GPAT4: variants seen among roughly 807,000 people sequenced by gnomAD.
The protein encoded by GPAT4 is 1-AGP acyltransferase 6.
In GPAT4, 17 loss-of-function variants were observed where a neutral mutation model predicts 58.0. The ratio of observed to expected loss-of-function variants is 0.29; its 90% CI spans 0.20 to 0.44. The LOEUF (loss-of-function observed/expected upper bound fraction) is 0.44, where lower values mean the gene tolerates loss of function less well. GPAT4 is among the 20% of genes least tolerant of loss of function. GPAT4 has a pLI of 1.00. For synonymous variants in GPAT4, 204 were observed against 210.1 expected (o/e 0.97, Z 0.25); for missense variants, 377 against 574.5 (o/e 0.66, Z 3.51).
chr8:41,602,066 T>C (rs1250006628), intron 2 of GPAT4, among the ~76,000 whole-genome samples: 1 of 152,226 alleles, frequency 6.6e-6, no homozygotes, highest in Admixed American at 6.5e-5. Context: ...GCAATTCTCC[T>C]GCCTCAGCCA....
intron 10 of GPAT4, among the ~76,000 whole-genome samples, 182 bp downstream of exon 10, chr8:41,615,230 C>A (rs1379919384): frequency 6.6e-6 from 1 of 152,164 alleles, no homozygotes; most frequent in Non-Finnish European, 1.5e-5. Flanking sequence ...GTGCTCAGCA[C>A]CCCTTAGAAG....
intron 1 of GPAT4, among the ~76,000 whole-genome samples, chr8:41,594,842 G>A (rs570778584): frequency 8.5e-5 from 13 of 152,068 alleles, no homozygotes; most frequent in African/African-American, 3.1e-4. Flanking sequence ...ACCGTGCCCG[G>A]CCCAAACTTT....
chr8:41,623,547 T>G lies in GPAT4; in HGVS notation c.*2546T>G, dbSNP rs1803821614. 1 of 152,248 alleles carries G rather than the reference T, an allele frequency of 6.6e-6. No homozygotes were observed. Among genetic ancestry groups the G allele is most frequent in the African/African-American group, 2.4e-5 (1 of 41,460 alleles). The allele number at this position is 152,248 out of a possible 1,614,324, so 9.4% of individuals were successfully genotyped here. ...TAACTAGGGACTTGGCTAGATGACC[T>G]CAGAGACCTCGTCCACCTCTGAATT... On this transcript the variant is annotated 3_prime_UTR_variant, in exon 13 of 13. Transcript: ENST00000396987.
At chr8:41,604,068 A>G (rs966476117) in intron 2 of GPAT4, among the ~76,000 whole-genome samples, 4 of 141,136 alleles carry the variant, frequency 2.8e-5, no homozygotes, top group African/African-American at 7.9e-5. Flanking sequence ...TCTTCCTTTC[A>G]GTCTTTGGCA....
In GPAT4 at chr8:41,612,252, C is replaced by G. The variant is rs1000293445; in HGVS notation, c.774C>G (p.Ala258=). 6.2e-7 allele frequency: 1 copy of G among 1,614,252 alleles called. No homozygotes were observed. Among genetic ancestry groups the G allele is most frequent in the South Asian group, 1.1e-5 (1 of 91,088 alleles). ...CACCGATCGATGTGATCATCTTGGC[C>G]AGCGATGGCTATTATGCCATGGTAA... ...HTSPIDVIIL[A]SDGYYAMVGQ... is the part of the protein sequence containing the mutation. The change falls in exon 7 of 13, where the codon GCC becomes GCG. Residue 258 remains alanine (A), a synonymous_variant. Coordinates refer to ENST00000396987, the MANE Select transcript of GPAT4 (RefSeq NM_178819.4).
chr8:41,579,161 A>G (rs897605986), intron 1 of GPAT4, among the ~76,000 whole-genome samples: 2 of 152,236 alleles, frequency 1.3e-5, no homozygotes, highest in African/African-American at 4.8e-5. Flanking sequence ...AATAATGCCA[A>G]TCAAATATAC....
Position 41,606,889 on chromosome 8 carries a change from G to C in GPAT4, c.166-2527G>C, listed in dbSNP as rs149527743. On this transcript the variant is annotated intron_variant, in intron 2 of 12. Transcript: ENST00000396987. ...CTCAGTTCTTTCTAGATTGGGACAA[G>C]GAGGGAGTTGCTTCAGAGAAAGTCT... 3.2e-3 allele frequency among the ~76,000 whole-genome samples: 491 copies of C among 152,302 alleles called. 4 individuals carry two copies. The highest frequency in any genetic ancestry group is 9.4e-3 in the African/African-American group (390 of 41,572).
Position 41,615,088 on chromosome 8 carries a change from CT to C in GPAT4, c.1053+41del, listed in dbSNP as rs112841940. The C allele has an allele frequency of 1.6e-3, 2,512 of 1,551,860 alleles. 42 individuals are homozygous for C. The African/African-American group carries it at 0.03, about 18-fold the overall frequency. On this transcript the variant is annotated intron_variant, in intron 10 of 12. Coordinates refer to ENST00000396987, the MANE Select transcript of GPAT4 (RefSeq NM_178819.4). ...ATGGTACACACTGTCATTACTGGAG[CT>C]GCTGTGAGTGGGGTGCAGCAGGAGG...
In GPAT4 at chr8:41,622,441, G is replaced by T. The variant is rs1406159527; in HGVS notation, c.*1440G>T. Reference sequence around the variant, plus strand: ...GCAGAGCCAAGGCCAAGCAGCCCCTGTGGGTTCTGGGGTTTCACCAGTTTC... The same window carrying T: ...GCAGAGCCAAGGCCAAGCAGCCCCTTTGGGTTCTGGGGTTTCACCAGTTTC... On this transcript the variant is annotated 3_prime_UTR_variant, in exon 13 of 13. Coordinates refer to ENST00000396987, the MANE Select transcript of GPAT4 (RefSeq NM_178819.4). 2 of 152,370 alleles carry T rather than the reference G, an allele frequency of 1.3e-5. No individual in the cohort carries two copies. Among genetic ancestry groups the T allele is most frequent in the Non-Finnish European group, 1.5e-5 (1 of 68,144 alleles). The allele number at this position is 152,370 out of a possible 1,614,324, so 9.4% of individuals were successfully genotyped here.
In GPAT4 at chr8:41,590,433, G is replaced by A. The variant is rs369501218; in HGVS notation, c.-848-7859G>A. On this transcript the variant is annotated intron_variant, in intron 1 of 12. Coordinates refer to ENST00000396987, the MANE Select transcript of GPAT4 (RefSeq NM_178819.4). ...TAGTTTGGGAGACAGGAAGAAGTAG[G>A]GGTTACAGAGCAGGGGCCTGGAGAC... Among the ~76,000 whole-genome samples the A allele has an allele frequency of 1.6e-4, 24 of 152,292 alleles. No individual in the cohort carries two copies. In the East Asian group the frequency reaches 2.3e-3, roughly 15 times the overall value.
chr8:41,619,732 A>G (rs1007664343), intron 12 of GPAT4, among the ~76,000 whole-genome samples: 2 of 152,218 alleles, frequency 1.3e-5, no homozygotes, highest in African/African-American at 4.8e-5. Flanking sequence ...TGGGGAGAGC[A>G]TTTGACTTAG....
At chr8:41,586,794 G>T (rs1181669009) in intron 1 of GPAT4, among the ~76,000 whole-genome samples, 1 of 152,184 alleles carries the variant, frequency 6.6e-6, no homozygotes, top group African/African-American at 2.4e-5. Flanking sequence ...CTCAGAGATG[G>T]TTGTCTTCTC....
At chr8:41,583,565 T>C (rs749193032) in intron 1 of GPAT4, among the ~76,000 whole-genome samples, 9 of 152,232 alleles carry the variant, frequency 5.9e-5, no homozygotes, top group Non-Finnish European at 1.3e-4. Context: ...ATAAAAATTA[T>C]TAATGGGATA....
rs575075512 is a variant in GPAT4 at position 41,597,014 on chromosome 8, A to T, written c.-848-1278A>T. Among the ~76,000 whole-genome samples the T allele has an allele frequency of 2.0e-3, 311 of 152,272 alleles. 1 individual carries two copies. Among genetic ancestry groups the T allele is most frequent in the Non-Finnish European group, 2.5e-3 (172 of 68,032 alleles). On this transcript the variant is annotated intron_variant, in intron 1 of 12. Transcript: ENST00000396987. ...GGTAATCAGAATGGAACAGAACAGG[A>T]CAGGGGTTTTCACGATGCTTTTCCA... is the stretch of plus-strand genomic sequence containing the variant.
At chr8:41,617,035 A>G (rs764167604) in intron 10 of GPAT4, among the ~76,000 whole-genome samples, 2 of 152,182 alleles carry the variant, frequency 1.3e-5, no homozygotes, top group Non-Finnish European at 2.9e-5. Context: ...CTCTGGTGAC[A>G]TCAGAATTTC....
At position 41,622,955 on chromosome 8, in the gene GPAT4, G is replaced by A. The variant is rs1803796650; in HGVS notation, c.*1954G>A. ...ATCAGTAATTGGTCTTAAAAGATCA[G>A]GTTCTCTTTTAAAAAGTTCATCTGA... On this transcript the variant is annotated 3_prime_UTR_variant, in exon 13 of 13. Coordinates refer to ENST00000396987, the MANE Select transcript of GPAT4 (RefSeq NM_178819.4). 1 of 152,246 alleles carries A rather than the reference G, an allele frequency of 6.6e-6. No homozygotes were observed. The highest frequency in any genetic ancestry group is 1.5e-5 in the Non-Finnish European group (1 of 68,042). 9.4% of individuals were successfully genotyped at this position (152,246 alleles called of 1,614,324 possible).
intron 1 of GPAT4, among the ~76,000 whole-genome samples, chr8:41,582,342 A>G (rs1016830873): frequency 6.6e-6 from 1 of 151,972 alleles, no homozygotes; most frequent in Non-Finnish European, 1.5e-5. Context: ...TAGACTAGAC[A>G]GTAAGAGTTG....
At chr8:41,594,712 A>AT (rs1203036853) in intron 1 of GPAT4, among the ~76,000 whole-genome samples, 2 of 151,762 alleles carry the variant, frequency 1.3e-5, no homozygotes, top group Admixed American at 6.6e-5. Flanking sequence ...CACCTGGCTA[A>AT]TTTTTTGTAT....
chr8:41,611,335 C>G (rs1803438160), intron 5 of GPAT4, among the ~76,000 whole-genome samples: 1 of 152,160 alleles, frequency 6.6e-6, no homozygotes. Flanking sequence ...CACATTCTTC[C>G]CATTTTGAAG....
Sources: allele counts gnomAD v4.1 joint callset (sites outside exome capture counted in the v4.1 genomes callset), GRCh38; gene constraint gnomAD v4.1.1; transcripts MANE v1.5; gene names NCBI Gene and HGNC (gene_info 2026-07-23, HGNC 2026-07-21).